Variants in ABL1 observed in about 807,000 individuals in gnomAD.
ABL1 encodes the protein tyrosine-protein kinase ABL1.
ABL1 carries 11 observed loss-of-function variants against 94.7 expected under a neutral mutation model. The ratio of observed to expected loss-of-function variants is 0.12; its 90% CI spans 0.07 to 0.19. ABL1 has a LOEUF of 0.19. Among genes scored for constraint, ABL1 ranks in the 10% least tolerant of loss-of-function variants. The pLI is 1.00. For missense variants in ABL1, 1,082 were observed against 1,489.4 expected (o/e 0.73, Z 4.50); for synonymous variants, 656 against 622.4 (o/e 1.05, Z -0.80).
chr9:130,750,069 T>C (rs1831935956), intron 1 of ABL1, among the ~76,000 whole-genome samples: 1 of 151,110 alleles, frequency 6.6e-6, no homozygotes, highest in Non-Finnish European at 1.5e-5. Flanking sequence ...TGTTCCCAGC[T>C]ACTTGGGAGG....
chr9:130,884,527 A>G lies in ABL1; in HGVS notation c.2237A>G (p.Gln746Arg), dbSNP rs975664530. The G allele has an allele frequency of 2.6e-5, 42 of 1,613,088 alleles. No homozygotes were observed. The highest frequency in any genetic ancestry group is 3.5e-5 in the Non-Finnish European group (41 of 1,180,034). ...CGGGACTTGCAGTCCACGGGAAGAC[A>G]GTTTGACTCGTCCACATTTGGAGGG... ...LPRDLQSTGR[Q>R]FDSSTFGGHK... The change falls in exon 11 of 11, where the codon CAG becomes CGG. Residue 746 changes from glutamine to arginine, a missense_variant. Coordinates refer to ENST00000318560, the MANE Select transcript of ABL1 (RefSeq NM_005157.6). This position sits in a 1 kb window ranked among gnomAD's most constrained non-coding sequence, Gnocchi z 5.6.
chr9:130,766,274 T>G (rs558715918), intron 1 of ABL1, among the ~76,000 whole-genome samples: 73 of 152,344 alleles, frequency 4.8e-4, no homozygotes, highest in Non-Finnish European at 7.9e-4. Context: ...CGGGTCTTGC[T>G]GGGCAGGACA....
chr9:130,844,260 G>A (rs1170870723), intron 1 of ABL1, among the ~76,000 whole-genome samples: 1 of 152,194 alleles, frequency 6.6e-6, no homozygotes, highest in African/African-American at 2.4e-5. Context: ...AGCCAAGGGC[G>A]TGGTAGAGCA....
intron 1 of ABL1, among the ~76,000 whole-genome samples, chr9:130,735,179 G>T (rs1831718581): frequency 6.6e-6 from 1 of 151,912 alleles, no homozygotes; most frequent in Non-Finnish European, 1.5e-5. Flanking sequence ...ACAGGCACCT[G>T]CCACCACATC....
chr9:130,719,579 A>T (rs1449819587), intron 1 of ABL1, among the ~76,000 whole-genome samples: 2 of 152,150 alleles, frequency 1.3e-5, no homozygotes, highest in Non-Finnish European at 2.9e-5. Context: ...TGACAGCCCA[A>T]CCTGTCACTT....
chr9:130,763,911 A>C (rs1460539887), intron 1 of ABL1, among the ~76,000 whole-genome samples: 1 of 152,206 alleles, frequency 6.6e-6, no homozygotes, highest in Non-Finnish European at 1.5e-5. Context: ...TAAAATGAGC[A>C]TCATAATGGC....
At chr9:130,878,083 G>T (rs1299598197) in intron 7 of ABL1, among the ~76,000 whole-genome samples, 1 of 152,186 alleles carries the variant, frequency 6.6e-6, no homozygotes, top group Non-Finnish European at 1.5e-5. Context: ...AAAGTGCTGG[G>T]ATTACAGGTG....
chr9:130,868,404 T>C (rs565554883), intron 4 of ABL1, among the ~76,000 whole-genome samples: 1 of 152,270 alleles, frequency 6.6e-6, no homozygotes, highest in South Asian at 2.1e-4. Flanking sequence ...ATGTGGAAAC[T>C]GATCTATCTG....
chr9:130,772,703 G>C (rs1348358814), intron 1 of ABL1, among the ~76,000 whole-genome samples: 2 of 152,190 alleles, frequency 1.3e-5, no homozygotes, highest in Non-Finnish European at 2.9e-5. Flanking sequence ...TGGCCAGAGT[G>C]AATGTCCTGA....
chr9:130,854,194 T>C lies in ABL1; in HGVS notation c.210T>C (p.Tyr70=). 1 of 1,614,192 alleles carries C rather than the reference T, an allele frequency of 6.2e-7. No homozygotes were observed. The highest frequency in any genetic ancestry group is 8.5e-7 in the Non-Finnish European group (1 of 1,180,026). The change falls in exon 2 of 11, where the codon TAT becomes TAC. Residue 70 remains tyrosine, a synonymous_variant. Transcript: ENST00000318560. The part of the protein sequence containing the change: ...ENDPNLFVAL[Y]DFVASGDNTL... ...ACCCCAACCTTTTCGTTGCACTGTA[T>C]GATTTTGTGGCCAGTGGAGATAACA...
chr9:130,828,517 C>T (rs1482184926), intron 1 of ABL1, among the ~76,000 whole-genome samples: 1 of 152,088 alleles, frequency 6.6e-6, no homozygotes, highest in East Asian at 1.9e-4. Context: ...TACTTTTACA[C>T]CAACCTAATA....
chr9:130,857,537 G>T (rs527811920), intron 3 of ABL1, among the ~76,000 whole-genome samples: 177 of 151,792 alleles, frequency 1.2e-3, no homozygotes, highest in African/African-American at 3.0e-3. Context: ...TCTTCCATTG[G>T]TCTGTCTATC....
At chr9:130,745,229 C>G (rs1211376393) in intron 1 of ABL1, among the ~76,000 whole-genome samples, 1 of 151,876 alleles carries the variant, frequency 6.6e-6, no homozygotes, top group Non-Finnish European at 1.5e-5. Flanking sequence ...GGATTACAGG[C>G]ATGCGCCGCC....
intron 1 of ABL1, among the ~76,000 whole-genome samples, chr9:130,752,536 A>C (rs995278773): frequency 1.3e-5 from 2 of 152,196 alleles, no homozygotes; most frequent in South Asian, 2.1e-4. Context: ...GCCTGGCCCC[A>C]AAAAGCAACC....
chr9:130,872,067 G>A lies in ABL1; in HGVS notation c.823-62G>A, dbSNP rs763159949. ...GCTCCATTTTGCATTAACTAGTCAA[G>A]TACTTACCCACTGAAAAGCACTTCC... On this transcript the variant is annotated intron_variant, in intron 4 of 10. Transcript: ENST00000318560. The surrounding 1 kb of genome is among the most constrained non-coding windows in gnomAD (Gnocchi z 5.0). 9.4e-6 allele frequency: 14 copies of A among 1,496,120 alleles called. No homozygotes were observed. Among genetic ancestry groups the A allele is most frequent in the Non-Finnish European group, 1.1e-5 (12 of 1,078,270 alleles). The allele number at this position is 1,496,120 out of a possible 1,614,324, so 92.7% of individuals were successfully genotyped here.
At position 130,809,417 on chromosome 9, in the gene ABL1, A is replaced by AGAGAGAGAGAGT. The variant is rs1389499231; in HGVS notation, c.137-44646_137-44645insAGAGAGAGAGTG. On this transcript the variant is annotated intron_variant, in intron 1 of 10. Transcript: ENST00000372348. The stretch of plus-strand genomic sequence containing the variant: ...GAGAGAGAGAGAGAGAGAGAGAGAG[A>AGAGAGAGAGAGT]GTGTGTGTGTGTGTGTGTGTGTGTG... 1.1e-3 allele frequency among the ~76,000 whole-genome samples: 95 copies of AGAGAGAGAGAGT among 84,398 alleles called. No homozygotes were observed. In the Middle Eastern group the frequency reaches 0.02, roughly 18 times the overall value. 55.4% of individuals were successfully genotyped at this position (84,398 alleles called of 152,430 possible).
chr9:130,719,421 C>T (rs1407207101), intron 1 of ABL1, among the ~76,000 whole-genome samples: 10 of 152,006 alleles, frequency 6.6e-5, no homozygotes, highest in Non-Finnish European at 1.5e-4. Flanking sequence ...CCCAGCTACT[C>T]GGGAGGCTGA....
upstream of ABL1, among the ~76,000 whole-genome samples, chr9:130,831,468 G>GTAACT (rs1219220070): frequency 6.6e-6 from 1 of 152,006 alleles, no homozygotes; most frequent in Non-Finnish European, 1.5e-5. Context: ...TCCTCTTTTG[G>GTAACT]TAACTTGTTC....
intron 1 of ABL1, among the ~76,000 whole-genome samples, chr9:130,716,873 C>T (rs535667334): frequency 1.0e-3 from 156 of 152,092 alleles, no homozygotes; most frequent in African/African-American, 3.6e-3. Flanking sequence ...GCCTCAGCCT[C>T]CCAAGTAGCT....
Sources: gnomAD v4.1 joint callset for allele counts (sites outside exome capture counted in the v4.1 genomes callset) on GRCh38, gnomAD v4.1.1 for gene constraint, Gnocchi (gnomAD v3.1) non-coding constraint, MANE v1.5 for transcripts, NCBI Gene and HGNC (gene_info 2026-07-23, HGNC 2026-07-21) for gene names.